OCRL: variants seen among roughly 807,000 people sequenced by gnomAD.
The protein encoded by OCRL is inositol polyphosphate 5-phosphatase OCRL.
In OCRL, 8 loss-of-function variants were observed where a neutral mutation model predicts 78.9. That is an observed-to-expected ratio of 0.10 (90% CI 0.06 to 0.18). The LOEUF is 0.18. Ranked by LOEUF, OCRL falls within the 10% of genes least tolerant of loss-of-function variation. The pLI, the probability that OCRL is intolerant of heterozygous loss-of-function variation, is 1.00. For missense variants in OCRL, 454 were observed against 696.7 expected (o/e 0.65, Z 3.92); for synonymous variants, 240 against 235.4 (o/e 1.02, Z -0.18).
chrX:129,541,174 C>CT (rs1363533541), intron 2 of OCRL, among the ~76,000 whole-genome samples: 1 of 112,457 alleles, frequency 8.9e-6, no homozygotes. Flanking sequence ...CATTAACTGC[C>CT]TTACCTTACA....
In OCRL at chrX:129,547,273, C is replaced by T. The variant is rs748810079; in HGVS notation, c.200-1290C>T. Among the ~76,000 whole-genome samples the T allele has an allele frequency of 8.2e-5, 9 of 110,148 alleles. No homozygotes were observed. The South Asian group carries it at 3.5e-3, about 43-fold the overall frequency. On this transcript the variant is annotated intron_variant, in intron 3 of 23. Coordinates refer to ENST00000371113, the MANE Select transcript of OCRL (RefSeq NM_000276.4). ...GGGCGCGGTGGCTCAGGCCTGTAAT[C>T]CCAGCACTTTGGGAGGCCAAGGTGG...
intron 19 of OCRL, 51 bp from the exon 20 acceptor site, chrX:129,586,951 A>G (rs1936518363): frequency 1.2e-6 from 1 of 811,945 alleles, no homozygotes. Flanking sequence ...GTTATACACC[A>G]AAGTCTTTAT....
At chrX:129,540,887 C>T in intron 2 of OCRL, 64 bp downstream of exon 2, 1 of 948,536 alleles carries the variant, frequency 1.1e-6, no homozygotes, top group Non-Finnish European at 1.5e-6. Flanking sequence ...CCCCAAACCG[C>T]GACGGGTCAC....
At chrX:129,540,551 C>T (rs1472388569) in intron 1 of OCRL, 73 bp downstream of exon 1, 4 of 969,970 alleles carry the variant, frequency 4.1e-6, no homozygotes, top group Middle Eastern at 4.0e-4. Context: ...CTGCGGAACA[C>T]GGTGGGGCGG....
chrX:129,591,043 T>C lies in OCRL; in HGVS notation c.*773T>C, dbSNP rs945340645. 8.8e-6 allele frequency: 1 copy of C among 113,479 alleles called. No homozygotes were observed. Among genetic ancestry groups the C allele is most frequent in the Non-Finnish European group, 1.9e-5 (1 of 53,317 alleles). The allele number at this position is 113,479 out of a possible 1,213,427, so 9.4% of individuals were successfully genotyped here. The stretch of plus-strand genomic sequence containing the variant: ...AGTGAGAGCATTCATGTTTGACAGG[T>C]CCTGCTTCCCACTATCCTTTTCCTG... On this transcript the variant is annotated 3_prime_UTR_variant, in exon 24 of 24. Transcript: ENST00000371113.
intron 18 of OCRL, among the ~76,000 whole-genome samples, chrX:129,578,887 T>C (rs1249786792): frequency 6.0e-5 from 6 of 99,790 alleles, no homozygotes; most frequent in African/African-American, 2.7e-4. Flanking sequence ...TTTAAAGCTT[T>C]TATTTTGTAG....
rs1393962487 is a variant in OCRL, at chrX:129,564,663, T to G, written c.1245-1109T>G. ...GCATGTTCTCACTCATAGGTGGGAA[T>G]TGAACAATGAGAACACATGGACACA... On this transcript the variant is annotated intron_variant, in intron 12 of 23. Coordinates refer to ENST00000371113, the MANE Select transcript of OCRL (RefSeq NM_000276.4). 2.7e-5 allele frequency among the ~76,000 whole-genome samples: 3 copies of G among 109,622 alleles called. No individual in the cohort carries two copies. In the South Asian group the frequency reaches 1.2e-3, roughly 44 times the overall value.
chrX:129,572,084 A>G (rs757496473), intron 15 of OCRL, among the ~76,000 whole-genome samples: 2 of 112,191 alleles, frequency 1.8e-5, no homozygotes, highest in African/African-American at 6.5e-5. Flanking sequence ...AATTTAATTT[A>G]ATTTAAAGTA....
chrX:129,545,966 G>A (rs1935872891), intron 3 of OCRL, among the ~76,000 whole-genome samples: 1 of 111,237 alleles, frequency 9.0e-6, no homozygotes, highest in South Asian at 3.8e-4. Flanking sequence ...TGCCTGTCTC[G>A]GCCTCCAAAA....
intron 9 of OCRL, 109 bp downstream of exon 9, chrX:129,560,760 C>T: frequency 2.0e-6 from 1 of 507,623 alleles, no homozygotes; most frequent in Non-Finnish European, 3.4e-6. Context: ...GTAGACTATA[C>T]ACGAGAGTTA....
At chrX:129,559,784 T>C (rs1936120632) in intron 8 of OCRL, among the ~76,000 whole-genome samples, 1 of 111,436 alleles carries the variant, frequency 9.0e-6, no homozygotes, top group Non-Finnish European at 1.9e-5. Flanking sequence ...TTTATCTGTA[T>C]TATTTTTTAT....
intron 4 of OCRL, among the ~76,000 whole-genome samples, chrX:129,549,114 A>C (rs1250048774): frequency 9.0e-6 from 1 of 111,677 alleles, no homozygotes. Flanking sequence ...TTAAAAAAAA[A>C]AGTTTAGTCT....
intron 6 of OCRL, among the ~76,000 whole-genome samples, chrX:129,558,176 G>A (rs1341365205): frequency 1.8e-5 from 2 of 111,823 alleles, no homozygotes; most frequent in African/African-American, 3.3e-5. Flanking sequence ...GTACAAGCTC[G>A]AGAGCCAGAC....
At chrX:129,584,638 G>A (rs763445250) in intron 19 of OCRL, among the ~76,000 whole-genome samples, 13 of 112,217 alleles carry the variant, frequency 1.2e-4, no homozygotes, top group Non-Finnish European at 1.9e-4. Context: ...CTACAGAGCC[G>A]TCTTGATGTA....
At chrX:129,543,536 G>C (rs1166375518) in intron 2 of OCRL, among the ~76,000 whole-genome samples, 1 of 113,195 alleles carries the variant, frequency 8.8e-6, no homozygotes, top group East Asian at 2.8e-4. Flanking sequence ...GAACTTTCCA[G>C]ATGGAAAGGG....
At chrX:129,552,561 A>T (rs762161573) in intron 4 of OCRL, among the ~76,000 whole-genome samples, 2 of 111,648 alleles carry the variant, frequency 1.8e-5, no homozygotes, top group Non-Finnish European at 3.8e-5. Context: ...AGTAGCTGGG[A>T]TTACAGGCAC....
chrX:129,576,173 T>C, intron 17 of OCRL, 111 bp downstream of exon 17: 1 of 937,349 alleles, frequency 1.1e-6, no homozygotes, highest in Non-Finnish European at 1.5e-6. Context: ...GTCATATTGG[T>C]GATACCTCTG....
rs750752027 is a variant in OCRL at position 129,586,997 on chromosome X, A to T, written c.2140-5A>T. ...CTTTGATTCTCATACTTTTCCATCTATTAGGAGAAATCCCTTCTGCAAATG... is the reference window on the plus strand; with the variant it reads ...CTTTGATTCTCATACTTTTCCATCTTTTAGGAGAAATCCCTTCTGCAAATG... On this transcript the variant is annotated splice_polypyrimidine_tract_variant and splice_region_variant and intron_variant, in intron 19 of 23. Coordinates refer to ENST00000371113, the MANE Select transcript of OCRL (RefSeq NM_000276.4). 1 of 1,151,172 alleles carries T rather than the reference A, an allele frequency of 8.7e-7. No individual in the cohort carries two copies. The highest frequency in any genetic ancestry group is 1.8e-5 in the African/African-American group (1 of 55,929). The allele number at this position is 1,151,172 out of a possible 1,213,427, so 94.9% of individuals were successfully genotyped here.
At position 129,590,574 on chromosome X, in the gene OCRL, A is replaced by G; in HGVS notation, c.*304A>G. The stretch of plus-strand genomic sequence containing the variant: ...GGATGTGTTTGTTGCCCTCCTACCC[A>G]ATTGTCATGATTGTCCTTAGTACCC... On this transcript the variant is annotated 3_prime_UTR_variant, in exon 24 of 24. Coordinates refer to ENST00000371113, the MANE Select transcript of OCRL (RefSeq NM_000276.4). 1 of 290,390 alleles carries G rather than the reference A, an allele frequency of 3.4e-6. No homozygotes were observed. The allele number at this position is 290,390 out of a possible 1,213,427, so 23.9% of individuals were successfully genotyped here.
Sources: gnomAD v4.1 joint callset for allele counts (sites outside exome capture counted in the v4.1 genomes callset) on GRCh38, gnomAD v4.1.1 for gene constraint, MANE v1.5 for transcripts, NCBI Gene and HGNC (gene_info 2026-07-23, HGNC 2026-07-21) for gene names.